CCDC33: variants seen among roughly 807,000 people sequenced by gnomAD.
The protein encoded by CCDC33 is coiled-coil domain containing 33.
Under a neutral mutation model 91.9 loss-of-function variants are expected in CCDC33, and 94 were observed. That is an observed-to-expected ratio of 1.02 (90% CI 0.87 to 1.21). The LOEUF (loss-of-function observed/expected upper bound fraction) is 1.21, where lower values mean the gene tolerates loss of function less well. CCDC33 is among the 50% of genes most tolerant of loss of function. CCDC33 has a pLI of 0.00. For missense variants in CCDC33, 940 were observed against 935.5 expected (o/e 1.00, Z -0.06); for synonymous variants, 396 against 374.5 (o/e 1.06, Z -0.66).
intron 1 of CCDC33, chr15:74,208,022 A>G: frequency 1.5e-6 from 2 of 1,364,382 alleles, no homozygotes; most frequent in Non-Finnish European, 1.9e-6. Flanking sequence ...TGCAATTCTC[A>G]TGCCCCCCTC....
chr15:74,306,461 G>A (rs1253611297), intron 11 of CCDC33, among the ~76,000 whole-genome samples: 1 of 152,208 alleles, frequency 6.6e-6, no homozygotes, highest in Non-Finnish European at 1.5e-5. Context: ...TTGATTTGTT[G>A]GTGGAAGGGA....
intron 1 of CCDC33, among the ~76,000 whole-genome samples, chr15:74,241,902 G>A (rs1256864608): frequency 3.3e-5 from 5 of 152,200 alleles, no homozygotes; most frequent in African/African-American, 7.2e-5. Context: ...CAATGGCATC[G>A]CCATTAACTC....
chr15:74,334,690 C>T (rs1410168436), intron 17 of CCDC33, among the ~76,000 whole-genome samples: 1 of 152,180 alleles, frequency 6.6e-6, no homozygotes, highest in Non-Finnish European at 1.5e-5. Context: ...ATTGTGTGAC[C>T]AGGGTCAGGC....
At chr15:74,336,411 G>A (rs935528665), downstream of CCDC33, 1 of 1,310,280 alleles carries the variant, frequency 7.6e-7, no homozygotes, top group Non-Finnish European at 1.0e-6. Flanking sequence ...GGAAATACGA[G>A]GGAGGCTTGT....
At position 74,335,178 on chromosome 15, in the gene CCDC33, G is replaced by C. The variant is rs1191054086; in HGVS notation, c.2139+90G>C. 4 of 1,042,882 alleles carry C rather than the reference G, an allele frequency of 3.8e-6. No homozygotes were observed. The South Asian group carries it at 5.0e-5, about 13-fold the overall frequency. 64.6% of individuals were successfully genotyped at this position (1,042,882 alleles called of 1,614,324 possible). On this transcript the variant is annotated intron_variant, in intron 18 of 18. Coordinates refer to ENST00000398814, the MANE Select transcript of CCDC33 (RefSeq NM_025055.5). ...CCAAAGTCACTGGGCCCTGAGAAAA[G>C]CCATTGTGGAGCCAACTCCAGGGCT... is the stretch of plus-strand genomic sequence containing the variant.
At chr15:74,294,990 G>A (rs891631695) in intron 10 of CCDC33, among the ~76,000 whole-genome samples, 1 of 152,196 alleles carries the variant, frequency 6.6e-6, no homozygotes, top group African/African-American at 2.4e-5. Context: ...GGAGGGAGAC[G>A]AAGGCTCATC....
chr15:74,309,335 G>A (rs113204606), intron 11 of CCDC33, among the ~76,000 whole-genome samples: 2,301 of 152,178 alleles, frequency 0.015, 25 homozygotes, highest in Middle Eastern at 0.065. Flanking sequence ...TGTACCCCTC[G>A]CCCACCTCCA....
At chr15:74,206,117 A>G (rs548167542) in intron 1 of CCDC33, among the ~76,000 whole-genome samples, 1 of 152,256 alleles carries the variant, frequency 6.6e-6, no homozygotes, top group East Asian at 1.9e-4. Flanking sequence ...CTCTCCCCAC[A>G]AGGCCCCCGT....
chr15:74,288,249 G>C (rs916379618), intron 10 of CCDC33, among the ~76,000 whole-genome samples: 1 of 152,166 alleles, frequency 6.6e-6, no homozygotes, highest in African/African-American at 2.4e-5. Flanking sequence ...GCCAACTCCA[G>C]AGAAGTCAGG....
intron 11 of CCDC33, among the ~76,000 whole-genome samples, chr15:74,321,644 G>GC (rs1244657023): frequency 2.6e-5 from 4 of 151,890 alleles, no homozygotes; most frequent in African/African-American, 7.3e-5. Context: ...TGAGTGATCC[G>GC]CCCCCCTCGG....
chr15:74,293,849 G>A (rs910301160), intron 10 of CCDC33, among the ~76,000 whole-genome samples: 2 of 152,118 alleles, frequency 1.3e-5, no homozygotes, highest in African/African-American at 2.4e-5. Context: ...GGGAGTTGGG[G>A]GACATAGAGC....
intron 2 of CCDC33, among the ~76,000 whole-genome samples, chr15:74,211,340 C>T (rs918610364): frequency 1.3e-5 from 2 of 150,608 alleles, no homozygotes; most frequent in Admixed American, 6.6e-5. Context: ...TGTCTGATAA[C>T]ACAGCAGAAC....
chr15:74,326,484 G>A (rs1369108486), intron 11 of CCDC33, among the ~76,000 whole-genome samples: 6 of 152,324 alleles, frequency 3.9e-5, no homozygotes, highest in Admixed American at 6.5e-5. Flanking sequence ...GGATGAGGAC[G>A]CTAAGGCTCA....
chr15:74,329,811 G>A (rs947773489), intron 11 of CCDC33, among the ~76,000 whole-genome samples: 1 of 152,218 alleles, frequency 6.6e-6, no homozygotes, highest in Non-Finnish European at 1.5e-5. Flanking sequence ...GATGGGGAAG[G>A]AGGAGGGAAA....
At chr15:74,208,906 C>T (rs775542829) in intron 1 of CCDC33, 15 of 990,146 alleles carry the variant, frequency 1.5e-5, no homozygotes, top group African/African-American at 1.0e-4. Flanking sequence ...GCTCCCAACA[C>T]GGGGCCTTCT....
chr15:74,268,477 T>C lies in CCDC33; in HGVS notation c.546+19T>C. The C allele has an allele frequency of 2.3e-6, 3 of 1,330,494 alleles. No homozygotes were observed. Among genetic ancestry groups the C allele is most frequent in the Non-Finnish European group, 2.1e-6 (2 of 960,060 alleles). 82.4% of individuals were successfully genotyped at this position (1,330,494 alleles called of 1,614,324 possible). On this transcript the variant is annotated intron_variant, in intron 5 of 18. Coordinates refer to ENST00000398814, the MANE Select transcript of CCDC33 (RefSeq NM_025055.5). ...TCTGGAGGTACCAGGGCTGGGGCCCTCTGGGGTGGTGGTGGGGGTGGGAAA... is the reference window on the plus strand; with the variant it reads ...TCTGGAGGTACCAGGGCTGGGGCCCCCTGGGGTGGTGGTGGGGGTGGGAAA...
At chr15:74,324,510 C>T (rs2142840121) in intron 11 of CCDC33, among the ~76,000 whole-genome samples, 1 of 152,182 alleles carries the variant, frequency 6.6e-6, no homozygotes. Flanking sequence ...TTTTGAAGCC[C>T]TCTTGCCAGC....
chr15:74,207,929 G>A (rs2074298729), intron 1 of CCDC33: 4 of 1,467,594 alleles, frequency 2.7e-6, no homozygotes, highest in Non-Finnish European at 3.6e-6. Flanking sequence ...AAGAGTATGG[G>A]TGACTCTCCA....
At chr15:74,226,431 G>A (rs1334074023) in intron 2 of CCDC33, among the ~76,000 whole-genome samples, 1 of 152,172 alleles carries the variant, frequency 6.6e-6, no homozygotes, top group Admixed American at 6.6e-5. Context: ...GGAAGAGATT[G>A]GGAAATTGCG....
Sources: allele counts gnomAD v4.1 joint callset (sites outside exome capture counted in the v4.1 genomes callset), GRCh38; gene constraint gnomAD v4.1.1; transcripts MANE v1.5; gene names NCBI Gene and HGNC (gene_info 2026-07-23, HGNC 2026-07-21).